Variants in ARHGEF4 observed in about 807,000 individuals in gnomAD.
ARHGEF4 encodes Rho guanine nucleotide exchange factor 4.
In ARHGEF4, 119 loss-of-function variants were observed where a neutral mutation model predicts 162.0. That is an observed-to-expected ratio of 0.73 (90% confidence interval 0.63 to 0.86). ARHGEF4 has a LOEUF of 0.86. Among genes scored for constraint, ARHGEF4 ranks in the 40% least tolerant of loss-of-function variants. ARHGEF4 has a pLI of 0.00. For synonymous variants in ARHGEF4, 1,014 were observed against 979.9 expected (o/e 1.03, Z -0.65); for missense variants, 2,488 against 2,456.0 (o/e 1.01, Z -0.28).
At chr2:130,964,027 G>A in intron 4 of ARHGEF4, 1 of 351,104 alleles carries the variant, frequency 2.8e-6, no homozygotes, top group Non-Finnish European at 3.9e-6. Context: ...CCTGTGGCTG[G>A]AGCTCGGGCC....
chr2:130,907,120 A>G (rs528581952), intron 1 of ARHGEF4, among the ~76,000 whole-genome samples: 7 of 152,134 alleles, frequency 4.6e-5, no homozygotes, highest in African/African-American at 1.4e-4. Context: ...TGGATCATAC[A>G]ATATGCAGTC....
At chr2:130,974,655 T>A (rs2105230576) in intron 4 of ARHGEF4, among the ~76,000 whole-genome samples, 1 of 150,824 alleles carries the variant, frequency 6.6e-6, no homozygotes, top group Non-Finnish European at 1.5e-5. Flanking sequence ...AGAGACAGGG[T>A]TTCGCTATGT....
chr2:131,004,367 G>A (rs150567261), intron 4 of ARHGEF4, among the ~76,000 whole-genome samples: 3 of 152,126 alleles, frequency 2.0e-5, no homozygotes, highest in African/African-American at 4.8e-5. Flanking sequence ...GGGTTTAACC[G>A]TGTTAGCCAG....
intron 4 of ARHGEF4, among the ~76,000 whole-genome samples, chr2:131,024,451 A>G (rs965671578): frequency 8.6e-5 from 13 of 151,994 alleles, no homozygotes; most frequent in Non-Finnish European, 1.5e-4. Flanking sequence ...AATTTTCTGT[A>G]TTTTTAGTAG....
At chr2:130,855,218 C>T (rs1356394845) in intron 1 of ARHGEF4, among the ~76,000 whole-genome samples, 1 of 151,920 alleles carries the variant, frequency 6.6e-6, no homozygotes, top group Non-Finnish European at 1.5e-5. Context: ...AGAACCCATG[C>T]CTTAAGGGTA....
intron 4 of ARHGEF4, among the ~76,000 whole-genome samples, chr2:130,977,236 G>C (rs993476476): frequency 6.6e-6 from 1 of 151,740 alleles, no homozygotes; most frequent in Non-Finnish European, 1.5e-5. Context: ...TGATGTGTGT[G>C]GTGTATGCTG....
chr2:130,907,683 GT>G lies in ARHGEF4; in HGVS notation c.40-6302del, dbSNP rs544889478. ...ATTTTGTATATTGAGTCCAGGTGCG[GT>G]GGCCCACGCCTGTAATCCCAGCACT... On this transcript the variant is annotated intron_variant, in intron 1 of 13. Transcript: ENST00000409359. 1.3e-3 allele frequency among the ~76,000 whole-genome samples: 197 copies of G among 152,052 alleles called. 1 individual carries two copies. The highest frequency in any genetic ancestry group is 4.4e-3 in the African/African-American group (182 of 41,462).
intron 1 of ARHGEF4, among the ~76,000 whole-genome samples, chr2:130,901,577 A>G (rs1036446923): frequency 1.3e-5 from 2 of 151,436 alleles, no homozygotes; most frequent in Admixed American, 6.6e-5. Flanking sequence ...CTGGAGTGCA[A>G]TCACGCAGTC....
chr2:130,977,655 G>A (rs576313686), intron 4 of ARHGEF4, among the ~76,000 whole-genome samples: 37 of 151,908 alleles, frequency 2.4e-4, no homozygotes, highest in African/African-American at 7.0e-4. Context: ...TGCATGTGTC[G>A]TGTATGTATG....
intron 4 of ARHGEF4, among the ~76,000 whole-genome samples, chr2:131,004,158 G>A (rs148027598): frequency 1.3e-5 from 2 of 152,144 alleles, no homozygotes; most frequent in African/African-American, 4.8e-5. Context: ...TAGTTGGTGT[G>A]TTTTGTTTTG....
intron 4 of ARHGEF4, among the ~76,000 whole-genome samples, chr2:131,018,875 T>C (rs1688922130): frequency 1.3e-5 from 2 of 152,218 alleles, no homozygotes; most frequent in Admixed American, 1.3e-4. Context: ...TTAGCACCTT[T>C]GTCGAAAATC....
chr2:130,973,981 A>G (rs1685528761), intron 4 of ARHGEF4, among the ~76,000 whole-genome samples: 1 of 152,106 alleles, frequency 6.6e-6, no homozygotes, highest in South Asian at 2.1e-4. Context: ...TGATTAAGAT[A>G]GAATCTTGCT....
intron 2 of ARHGEF4, among the ~76,000 whole-genome samples, chr2:130,920,826 T>C (rs1026106484): frequency 2.6e-5 from 4 of 152,244 alleles, no homozygotes; most frequent in African/African-American, 9.6e-5. Flanking sequence ...ATATCGTGTA[T>C]AGAGATCTTA....
At chr2:130,898,419 G>A (rs750165153) in intron 1 of ARHGEF4, among the ~76,000 whole-genome samples, 9 of 152,200 alleles carry the variant, frequency 5.9e-5, no homozygotes, top group Non-Finnish European at 1.2e-4. Flanking sequence ...GCGATTGGAC[G>A]CTGCATCTTT....
chr2:130,881,659 A>T (rs1679195778), intron 1 of ARHGEF4, among the ~76,000 whole-genome samples: 2 of 152,106 alleles, frequency 1.3e-5, no homozygotes, highest in African/African-American at 4.8e-5. Flanking sequence ...AGGTTTTGCT[A>T]TAGTGAATGC....
intron 8 of ARHGEF4, 133 bp from the exon 9 acceptor site, chr2:131,041,097 C>G (rs1226299934): frequency 1.3e-6 from 1 of 749,416 alleles, no homozygotes; most frequent in African/African-American, 1.8e-5. Flanking sequence ...TAGGTACACA[C>G]AGCCTGGGTC....
chr2:130,851,464 T>C (rs1384552792), intron 1 of ARHGEF4, among the ~76,000 whole-genome samples: 16 of 152,138 alleles, frequency 1.1e-4, no homozygotes, highest in Non-Finnish European at 2.2e-4. Flanking sequence ...CAGAACCGGG[T>C]GCGGTTCATG....
At chr2:130,907,678 G>A (rs1026760022) in intron 1 of ARHGEF4, among the ~76,000 whole-genome samples, 1 of 151,980 alleles carries the variant, frequency 6.6e-6, no homozygotes, top group Non-Finnish European at 1.5e-5. Context: ...TTGAGTCCAG[G>A]TGCGGTGGCC....
chr2:131,008,656 T>C (rs1337849086), intron 4 of ARHGEF4, among the ~76,000 whole-genome samples: 1 of 152,178 alleles, frequency 6.6e-6, no homozygotes, highest in East Asian at 1.9e-4. Flanking sequence ...AAAAAAATCC[T>C]ATCTTTATTA....
Sources: allele counts gnomAD v4.1 joint callset (sites outside exome capture counted in the v4.1 genomes callset), GRCh38; gene constraint gnomAD v4.1.1; transcripts MANE v1.5; gene names NCBI Gene and HGNC (gene_info 2026-07-23, HGNC 2026-07-21).